TARS2: variants seen among roughly 807,000 people sequenced by gnomAD.
The protein encoded by TARS2 is threonyl-tRNA synthetase 2, mitochondrial.
In TARS2, 61 loss-of-function variants were observed where a neutral mutation model predicts 94.4. The observed-to-expected ratio is 0.65, with a 90% CI of 0.53 to 0.80. The LOEUF is 0.80. Among genes scored for constraint, TARS2 ranks in the 30% least tolerant of loss-of-function variants. TARS2 has a pLI of 0.00. For synonymous variants in TARS2, 359 were observed against 353.4 expected, an observed-to-expected ratio of 1.02 and a Z score of -0.18; for missense variants, 704 against 902.5, an observed-to-expected ratio of 0.78 and a Z score of 2.82.
chr1:150,494,893 CA>C (rs1669586016), intron 7 of TARS2, among the ~76,000 whole-genome samples: 1 of 151,022 alleles, frequency 6.6e-6, no homozygotes, highest in Non-Finnish European at 1.5e-5. Context: ...AAAAATTAGC[CA>C]GGTGTGGCCG....
chr1:150,490,874 C>G, intron 4 of TARS2, 149 bp downstream of exon 4: 1 of 1,200,548 alleles, frequency 8.3e-7, no homozygotes. Context: ...TCCTTCTGTG[C>G]TAGTCCATGT....
rs948032842 is a variant in TARS2, at chr1:150,506,779, TC to T, written c.2009-135del. ...GTATTAGCAGACACAGCTGAATACT[TC>T]CTTTCTGTGAACCATATCTGGGCTC... On this transcript the variant is annotated intron_variant, in intron 17 of 17. Transcript: ENST00000369064. 4 of 1,177,450 alleles carry T rather than the reference TC, an allele frequency of 3.4e-6. No homozygotes were observed. The African/African-American group carries it at 6.2e-5, about 18-fold the overall frequency. The allele number at this position is 1,177,450 out of a possible 1,614,324, so 72.9% of individuals were successfully genotyped here.
chr1:150,488,629 AC>A (rs1165999425), intron 2 of TARS2: 1 of 225,642 alleles, frequency 4.4e-6, no homozygotes, highest in Non-Finnish European at 8.8e-6. Flanking sequence ...GATATCTGTT[AC>A]CCCAAACATT....
chr1:150,505,732 C>G, intron 17 of TARS2, 27 bp downstream of exon 17: 1 of 1,591,734 alleles, frequency 6.3e-7, no homozygotes. Flanking sequence ...AGCCAATGTT[C>G]TCCCACCTGC....
rs746397359 is a variant in TARS2, at chr1:150,504,386, A to C, written c.1669A>C (p.Ile557Leu). 6.2e-7 allele frequency: 1 copy of C among 1,614,080 alleles called. No homozygotes were observed. Residue 557 changes from isoleucine to leucine, a missense_variant, in exon 14 of 18, where the codon ATT (isoleucine) becomes CTT (leucine). By Grantham distance (5) the Ile-to-Leu change is conservative (BLOSUM62 2). This residue lies in a region of TARS2 where 466 missense variants were observed against 609.5 expected (regional missense o/e 0.76). Transcript: ENST00000369064. The stretch of plus-strand genomic sequence containing the variant: ...GGGCCGGCCACATCAGTGTGGGACA[A>C]TTCAGCTTGACTTCCAACTGCCCCT... ...ALGRPHQCGT[I>L]QLDFQLPLRF... is the part of the protein sequence containing the mutation.
chr1:150,494,833 C>T (rs1373416537), intron 7 of TARS2, among the ~76,000 whole-genome samples: 1 of 151,924 alleles, frequency 6.6e-6, no homozygotes, highest in Non-Finnish European at 1.5e-5. Context: ...GTCCAGAGAT[C>T]GAGACCATCC....
In TARS2 at chr1:150,504,613, C is replaced by A; in HGVS notation, c.1719-19C>A. Reference sequence around the variant, plus strand: ...GATACTTCCACCATTCCATCCACCCCCCCCTTTTTCCTTTCAAGGCAGGCG... The same window carrying A: ...GATACTTCCACCATTCCATCCACCCACCCCTTTTTCCTTTCAAGGCAGGCG... On this transcript the variant is annotated intron_variant, in intron 14 of 17. Coordinates refer to ENST00000369064, the MANE Select transcript of TARS2 (RefSeq NM_025150.5). The A allele has an allele frequency of 6.2e-7, 1 of 1,611,656 alleles. No individual in the cohort carries two copies. The highest frequency in any genetic ancestry group is 8.5e-7 in the Non-Finnish European group (1 of 1,178,062).
rs986256837 is a variant in TARS2 at position 150,491,311 on chromosome 1, C to T, written c.513-83C>T. 5.1e-6 allele frequency: 7 copies of T among 1,382,028 alleles called. 1 individual carries two copies. In the South Asian group the frequency reaches 5.8e-5, roughly 12 times the overall value. 85.6% of individuals were successfully genotyped at this position (1,382,028 alleles called of 1,614,324 possible). The stretch of plus-strand genomic sequence containing the variant: ...CTAGATTTCTCTTGAAGGACAGGAC[C>T]TTACCCGCTAGCCAACAGGTGTGTC... On this transcript the variant is annotated intron_variant, in intron 4 of 17. Transcript: ENST00000369064.
At chr1:150,504,822 C>T in intron 15 of TARS2, 84 bp from the exon 16 acceptor site, 1 of 1,606,824 alleles carries the variant, frequency 6.2e-7, no homozygotes, top group Middle Eastern at 1.7e-4. Flanking sequence ...CAGCCTCTTT[C>T]CTTCTCAAGT....
intron 15 of TARS2, 65 bp downstream of exon 15, chr1:150,504,798 C>A (rs760841237): frequency 4.8e-5 from 77 of 1,605,750 alleles, no homozygotes; most frequent in Non-Finnish European, 6.0e-5. Flanking sequence ...CAGATCCTGT[C>A]CCCCTTCATA....
In TARS2 at chr1:150,497,543, A is replaced by G. The variant is rs115390773; in HGVS notation, c.1034A>G (p.His345Arg). The change falls in exon 10 of 18, where the codon CAT (histidine) becomes CGT (arginine). Residue 345 changes from histidine to arginine, a missense_variant. By Grantham distance (29) the His-to-Arg change is conservative. Transcript: ENST00000369064. ...CCTCCTCTCCAGGCTGAGTATGCCC[A>G]TCGTGGTTTCTCCGAGGTGAAAACT... ...LVAFIRAEYA[H>R]RGFSEVKTPT... 6.7e-3 allele frequency: 10,747 copies of G among 1,614,066 alleles called. 55 individuals carry two copies. Among genetic ancestry groups the G allele is most frequent in the Non-Finnish European group, 7.8e-3 (9,155 of 1,179,996 alleles).
At chr1:150,502,033 C>T (rs1669947078) in intron 13 of TARS2, among the ~76,000 whole-genome samples, 1 of 152,042 alleles carries the variant, frequency 6.6e-6, no homozygotes, top group South Asian at 2.1e-4. Flanking sequence ...CTGCCCCAGC[C>T]TCCCGAGTAG....
chr1:150,492,536 G>A, intron 7 of TARS2, 47 bp downstream of exon 7: 2 of 1,588,216 alleles, frequency 1.3e-6, no homozygotes, highest in African/African-American at 1.3e-5. Flanking sequence ...TTTGAGCCGG[G>A]CATGGTGGCT....
chr1:150,492,945 C>T (rs1477643715), intron 7 of TARS2, among the ~76,000 whole-genome samples: 2 of 150,816 alleles, frequency 1.3e-5, no homozygotes, highest in African/African-American at 2.4e-5. Context: ...TGCAGTGGCG[C>T]GATCTTGGCT....
At chr1:150,491,769 A>G in intron 6 of TARS2, 107 bp downstream of exon 6, 1 of 1,221,136 alleles carries the variant, frequency 8.2e-7, no homozygotes, top group Non-Finnish European at 1.2e-6. Flanking sequence ...TTGCTCCAGA[A>G]AAAGAAATGG....
chr1:150,503,186 G>T (rs1669997976), intron 13 of TARS2, among the ~76,000 whole-genome samples: 1 of 152,218 alleles, frequency 6.6e-6, no homozygotes, highest in Non-Finnish European at 1.5e-5. Flanking sequence ...CATCTGTGTG[G>T]TTTGTGACAT....
rs763543771 is a variant in TARS2 at position 150,506,964 on chromosome 1, G to C, written c.2057G>C (p.Arg686Pro). 4 of 1,614,156 alleles carry C rather than the reference G, an allele frequency of 2.5e-6. No homozygotes were observed. Among genetic ancestry groups the C allele is most frequent in the African/African-American group, 1.3e-5 (1 of 75,052 alleles). The change falls in exon 18 of 18, where the codon CGA becomes CCA. Residue 686 changes from arginine (R) to proline (P), a missense_variant. By Grantham distance (103) the Arg-to-Pro change is moderately radical (BLOSUM62 -2). Transcript: ENST00000369064. Reference sequence around the variant, plus strand: ...AAGAGAACAGTGAACATTCGGACTCGAGATAATCGTCGCCTTGGGGAGTGG... The same window carrying C: ...AAGAGAACAGTGAACATTCGGACTCCAGATAATCGTCGCCTTGGGGAGTGG... ...QSKRTVNIRT[R>P]DNRRLGEWDL...
Position 150,498,917 on chromosome 1 carries a change from C to T in TARS2, c.1422C>T (p.Ser474=). The T allele has an allele frequency of 1.2e-6, 2 of 1,614,246 alleles. No individual in the cohort carries two copies. Among genetic ancestry groups the T allele is most frequent in the Non-Finnish European group, 1.7e-6 (2 of 1,180,056 alleles). The part of the protein sequence containing the change: ...TTDQLEAEIQ[S]CLDFLRSVYA... ...CCTAGCTGGAAGCAGAGATCCAAAG[C>T]TGTCTTGATTTCCTCCGTTCCGTCT... The change falls in exon 12 of 18, where the codon AGC becomes AGT. Residue 474 remains serine (S), a synonymous_variant. Coordinates refer to ENST00000369064, the MANE Select transcript of TARS2 (RefSeq NM_025150.5).
intron 7 of TARS2, among the ~76,000 whole-genome samples, chr1:150,494,354 G>A (rs1017430937): frequency 7.0e-6 from 1 of 143,002 alleles, no homozygotes; most frequent in Non-Finnish European, 1.5e-5. Flanking sequence ...CTGGGCCACG[G>A]AGCGAGACAA....
Sources: gnomAD v4.1 joint callset for allele counts (sites outside exome capture counted in the v4.1 genomes callset) on GRCh38, gnomAD v4.1.1 for gene constraint, gnomAD v4.1.1 regional missense constraint, MANE v1.5 for transcripts, NCBI Gene and HGNC (gene_info 2026-07-23, HGNC 2026-07-21) for gene names.